PIP5K1B: variants seen among roughly 807,000 people sequenced by gnomAD.
PIP5K1B encodes the protein phosphatidylinositol-4-phosphate 5-kinase type 1 beta, also known as phosphatidylinositol 4-phosphate 5-kinase type-1 beta.
A neutral mutation model predicts 67.0 loss-of-function variants in PIP5K1B; 42 were observed. That is an observed-to-expected ratio of 0.63 (90% CI 0.49 to 0.81). The LOEUF (loss-of-function observed/expected upper bound fraction) is 0.81, where lower values mean the gene tolerates loss of function less well. PIP5K1B is among the 30% of genes least tolerant of loss of function. PIP5K1B has a pLI of 0.00. For synonymous variants in PIP5K1B, 214 were observed against 231.4 expected (o/e 0.92, Z 0.68); for missense variants, 459 against 646.3 (o/e 0.71, Z 3.14).
chr9:68,856,249 C>A (rs1028030542), intron 4 of PIP5K1B, among the ~76,000 whole-genome samples: 3 of 152,176 alleles, frequency 2.0e-5, no homozygotes, highest in African/African-American at 7.2e-5. Flanking sequence ...GGTCCCCGAA[C>A]CTTACTGCTT....
At chr9:68,716,489 C>CA (rs1333038164) in intron 1 of PIP5K1B, among the ~76,000 whole-genome samples, 1 of 152,182 alleles carries the variant, frequency 6.6e-6, no homozygotes, top group Non-Finnish European at 1.5e-5. Context: ...AAATGCTTAT[C>CA]ATCACTAATC....
chr9:68,853,523 C>A (rs1240650453), intron 4 of PIP5K1B, among the ~76,000 whole-genome samples: 1 of 152,076 alleles, frequency 6.6e-6, no homozygotes, highest in African/African-American at 2.4e-5. Flanking sequence ...CTGGAGGATG[C>A]AATAGACTAT....
At chr9:68,717,575 G>T (rs914646574) in intron 1 of PIP5K1B, among the ~76,000 whole-genome samples, 3 of 152,138 alleles carry the variant, frequency 2.0e-5, no homozygotes, top group Admixed American at 2.0e-4. Context: ...CTTACAGATG[G>T]CAAACTTCTT....
At chr9:68,736,568 A>C (rs1360873462) in intron 1 of PIP5K1B, among the ~76,000 whole-genome samples, 1 of 152,190 alleles carries the variant, frequency 6.6e-6, no homozygotes, top group Non-Finnish European at 1.5e-5. Context: ...GTGTTGGCAG[A>C]GCTGCACTCC....
intron 14 of PIP5K1B, among the ~76,000 whole-genome samples, chr9:68,985,882 T>C (rs879723231): frequency 1.2e-4 from 18 of 152,282 alleles, no homozygotes; most frequent in Non-Finnish European, 2.4e-4. Context: ...CCTCTATGAC[T>C]GGCGTCTTTC....
rs111917584 is a variant in PIP5K1B at position 68,770,207 on chromosome 9, G to A, written c.-86+27550G>A. The stretch of plus-strand genomic sequence containing the variant: ...TCACTCTTAGGCAATAAAATGTCCC[G>A]CTACCATGTCAAATCACTGTTTCAA... On this transcript the variant is annotated intron_variant, in intron 2 of 15. Transcript: ENST00000265382. Among the ~76,000 whole-genome samples, 422 of 152,292 alleles carry A rather than the reference G, an allele frequency of 2.8e-3. 1 individual carries two copies. Among genetic ancestry groups the A allele is most frequent in the African/African-American group, 9.5e-3 (394 of 41,552 alleles).
intron 2 of PIP5K1B, among the ~76,000 whole-genome samples, chr9:68,800,876 A>C (rs1006316051): frequency 2.6e-5 from 4 of 152,188 alleles, no homozygotes; most frequent in African/African-American, 9.7e-5. Flanking sequence ...TAAGTTCTTG[A>C]GGAACTTGAG....
chr9:68,721,745 G>A (rs1827894043), intron 1 of PIP5K1B, among the ~76,000 whole-genome samples: 1 of 152,090 alleles, frequency 6.6e-6, no homozygotes, highest in Admixed American at 6.6e-5. Flanking sequence ...GTGTAAGTGT[G>A]GAAGAGGCCA....
intron 2 of PIP5K1B, chr9:68,789,078 C>T: frequency 2.0e-6 from 1 of 511,618 alleles, no homozygotes; most frequent in South Asian, 1.8e-5. Flanking sequence ...AATTGTAGAA[C>T]CTGATTTATC....
chr9:69,006,271 AACCACTGAGTCTC>A (rs1831071835), intron 15 of PIP5K1B, among the ~76,000 whole-genome samples: 1 of 152,104 alleles, frequency 6.6e-6, no homozygotes, highest in Non-Finnish European at 1.5e-5. Context: ...GATCATTCTC[AACCACTGAGTCTC>A]AGCAGATGGC....
intron 2 of PIP5K1B, among the ~76,000 whole-genome samples, chr9:68,777,337 T>G (rs996736348): frequency 6.6e-6 from 1 of 152,226 alleles, no homozygotes; most frequent in Non-Finnish European, 1.5e-5. Flanking sequence ...AACAAAGGTC[T>G]TTCCCTTGTA....
chr9:68,988,244 A>T (rs1474954825), intron 14 of PIP5K1B, among the ~76,000 whole-genome samples: 3 of 151,998 alleles, frequency 2.0e-5, no homozygotes, highest in Admixed American at 2.0e-4. Context: ...CTGTGAGTTT[A>T]AAGTTATTTC....
At chr9:68,752,028 CTTTAATTTTA>C (rs1395886652) in intron 2 of PIP5K1B, among the ~76,000 whole-genome samples, 1 of 152,006 alleles carries the variant, frequency 6.6e-6, no homozygotes, top group Non-Finnish European at 1.5e-5. Context: ...AATAAATTTT[CTTTAATTTTA>C]TAAATGTATT....
chr9:69,000,703 TTAA>T (rs1268471182), intron 15 of PIP5K1B, among the ~76,000 whole-genome samples: 2 of 152,208 alleles, frequency 1.3e-5, no homozygotes, highest in Non-Finnish European at 2.9e-5. Context: ...TGGCCTCGTT[TTAA>T]TCTGATTACC....
At chr9:68,864,405 C>T (rs1306610579) in intron 5 of PIP5K1B, among the ~76,000 whole-genome samples, 2 of 152,218 alleles carry the variant, frequency 1.3e-5, no homozygotes, top group Non-Finnish European at 1.5e-5. Context: ...TGAGTTTAGT[C>T]TTATCTCTTC....
At chr9:68,859,818 T>G (rs1822969592) in intron 4 of PIP5K1B, among the ~76,000 whole-genome samples, 1 of 152,226 alleles carries the variant, frequency 6.6e-6, no homozygotes, top group Non-Finnish European at 1.5e-5. Context: ...TTCACAGTGT[T>G]TTTTCACAGT....
intron 1 of PIP5K1B, among the ~76,000 whole-genome samples, chr9:68,729,933 A>G (rs1828339879): frequency 1.3e-5 from 2 of 148,334 alleles, no homozygotes. Context: ...TCAAAGGAGA[A>G]AAAAAAAAAT....
intron 2 of PIP5K1B, among the ~76,000 whole-genome samples, chr9:68,756,336 T>A (rs922703115): frequency 6.6e-6 from 1 of 152,246 alleles, no homozygotes; most frequent in African/African-American, 2.4e-5. Context: ...TCTTATTTTG[T>A]CAGCTTGACA....
intron 15 of PIP5K1B, among the ~76,000 whole-genome samples, chr9:69,007,995 A>G (rs1029358443): frequency 6.6e-6 from 1 of 152,064 alleles, no homozygotes; most frequent in Non-Finnish European, 1.5e-5. Flanking sequence ...TTAAATAGCT[A>G]CCATTTAAAT....
Sources: allele counts gnomAD v4.1 joint callset (sites outside exome capture counted in the v4.1 genomes callset), GRCh38; gene constraint gnomAD v4.1.1; transcripts MANE v1.5; gene names NCBI Gene and HGNC (gene_info 2026-07-23, HGNC 2026-07-21).